The following PTPRS variants were observed in gnomAD, a reference collection of about 807,000 sequenced individuals.
PTPRS encodes receptor-type tyrosine-protein phosphatase S.
In PTPRS, 63 loss-of-function variants were observed where a neutral mutation model predicts 215.3. The ratio of observed to expected loss-of-function variants is 0.29; its 90% CI spans 0.24 to 0.36. The LOEUF (loss-of-function observed/expected upper bound fraction) is 0.36. PTPRS is among the 10% of genes least tolerant of loss of function. The probability of loss-of-function intolerance (pLI) is 1.00; values close to 1 mark genes in which losing one functional copy is unlikely to be tolerated. For synonymous variants in PTPRS, 1,404 were observed against 1,191.4 expected, an observed-to-expected ratio of 1.18 and a Z score of -3.68; for missense variants, 2,258 against 2,825.8, an observed-to-expected ratio of 0.80 and a Z score of 4.56.
intron 1 of PTPRS, among the ~76,000 whole-genome samples, chr19:5,301,684 A>T (rs1375910414): frequency 6.6e-6 from 1 of 151,732 alleles, no homozygotes; most frequent in Non-Finnish European, 1.5e-5. Context: ...CTTCAAGCGC[A>T]TCCTCCCCCT....
In PTPRS at chr19:5,214,384, C is replaced by G; in HGVS notation, c.4591G>C (p.Val1531Leu). The G allele has an allele frequency of 1.2e-6, 2 of 1,614,144 alleles. No individual in the cohort carries two copies. The highest frequency in any genetic ancestry group is 1.3e-5 in the African/African-American group (1 of 75,062). Reference protein sequence around the residue: ...LDTIELATFCVRTFSLHKNGS... With the variant: ...LDTIELATFCLRTFSLHKNGS... ...ACCTTGTGCAGAGAGAATGTCCTGACGCAGAATGTGGCCAGCTCGATGGTA... is the reference window on the plus strand; with the variant it reads ...ACCTTGTGCAGAGAGAATGTCCTGAGGCAGAATGTGGCCAGCTCGATGGTA... The change falls in exon 30 of 38, where the codon GTC (valine) becomes CTC (leucine). Residue 1531 changes from valine to leucine, a missense_variant. Physicochemically the swap from Val to Leu is conservative, Grantham distance 32. This residue lies in a region of PTPRS where 927 missense variants were observed against 1,125.9 expected (regional missense o/e 0.82). Transcript: ENST00000262963.
rs192737951 is a variant in PTPRS, at chr19:5,257,143, G to A, written c.706+874C>T. Among the ~76,000 whole-genome samples, 16 of 150,174 alleles carry A rather than the reference G, an allele frequency of 1.1e-4. No homozygotes were observed. Among genetic ancestry groups the A allele is most frequent in the African/African-American group, 2.7e-4 (11 of 40,844 alleles). The stretch of plus-strand genomic sequence containing the variant: ...TGAAAAGACCCAAGAGCCAACACAC[G>A]AGATAAGAGGAGGCCAACGGAGGCA... On this transcript the variant is annotated intron_variant, in intron 8 of 37. Coordinates refer to ENST00000262963, the MANE Select transcript of PTPRS (RefSeq NM_002850.4). The surrounding 1 kb of genome is among the most constrained non-coding windows in gnomAD (Gnocchi z 4.4).
At chr19:5,265,724 T>C (rs73919793) in intron 4 of PTPRS, among the ~76,000 whole-genome samples, 3,615 of 151,372 alleles carry the variant, frequency 0.024, 102 homozygotes, top group African/African-American at 0.065. Flanking sequence ...GGGGTGACTC[T>C]GCTGCCCTGG....
rs190810492 is a variant in PTPRS at position 5,243,888 on chromosome 19, C to T, written c.1570+13G>A. The T allele has an allele frequency of 1.7e-5, 25 of 1,476,644 alleles. No homozygotes were observed. In the East Asian group the frequency reaches 5.6e-4, roughly 33 times the overall value. The allele number at this position is 1,476,644 out of a possible 1,614,324, so 91.5% of individuals were successfully genotyped here. A position where few individuals can be genotyped will look rare whatever the true frequency, so the allele number is the denominator to read the frequency against. On this transcript the variant is annotated intron_variant, in intron 11 of 37. Coordinates refer to ENST00000262963, the MANE Select transcript of PTPRS (RefSeq NM_002850.4). The stretch of plus-strand genomic sequence containing the variant: ...CGGCCGGGGCCCCGAGTCCTGCCGA[C>T]CCCACGCCTCACCTCCCTGCTGCGT...
chr19:5,317,967 C>T (rs1008979949), intron 1 of PTPRS, among the ~76,000 whole-genome samples: 10 of 152,114 alleles, frequency 6.6e-5, no homozygotes, highest in Non-Finnish European at 1.2e-4. Context: ...GTCAGGAGAT[C>T]GAGACCATCC....
At chr19:5,281,352 T>C (rs182667843) in intron 2 of PTPRS, among the ~76,000 whole-genome samples, 71 of 152,144 alleles carry the variant, frequency 4.7e-4, no homozygotes, top group African/African-American at 1.4e-3. Context: ...TCCCAGCTAC[T>C]CGGGAGGCTG....
At chr19:5,215,189 T>C (rs2041308524) in intron 28 of PTPRS, 100 bp downstream of exon 28, 1 of 1,504,408 alleles carries the variant, frequency 6.6e-7, no homozygotes, top group Non-Finnish European at 9.1e-7. Flanking sequence ...ACCAGGTCTA[T>C]GACCAGAATC....
At chr19:5,239,426 G>C (rs995990352) in intron 12 of PTPRS, among the ~76,000 whole-genome samples, 1 of 150,828 alleles carries the variant, frequency 6.6e-6, no homozygotes, top group African/African-American at 2.4e-5. Context: ...GAGAAACAAA[G>C]GAGAGAGACA....
At chr19:5,218,752 G>T in intron 24 of PTPRS, 35 bp downstream of exon 24, 1 of 1,610,610 alleles carries the variant, frequency 6.2e-7, no homozygotes, top group Non-Finnish European at 8.5e-7. Flanking sequence ...TCTTCCTCTT[G>T]CCTGAAGCCT....
chr19:5,303,207 C>T lies in PTPRS; in HGVS notation c.-94-16973G>A, dbSNP rs2049359877. ...TCACCACTCTCTGGGACTCAGTTTC[C>T]CCATCTAAGCACCAGGGAAAATGGG... On this transcript the variant is annotated intron_variant, in intron 1 of 37. Transcript: ENST00000262963. Among the ~76,000 whole-genome samples the T allele has an allele frequency of 2.0e-5, 3 of 152,272 alleles. No homozygotes were observed. In the South Asian group the frequency reaches 6.2e-4, roughly 32 times the overall value.
intron 1 of PTPRS, among the ~76,000 whole-genome samples, chr19:5,311,114 G>A (rs1568604811): frequency 6.6e-6 from 1 of 151,912 alleles, no homozygotes; most frequent in Non-Finnish European, 1.5e-5. Flanking sequence ...TCCTGACCTC[G>A]TGATCCACCT....
rs758125715 is a variant in PTPRS at position 5,210,607 on chromosome 19, T to C, written c.5362-13A>G. 2 of 1,614,170 alleles carry C rather than the reference T, an allele frequency of 1.2e-6. No individual in the cohort carries two copies. Among genetic ancestry groups the C allele is most frequent in the South Asian group, 2.2e-5 (2 of 91,090 alleles). On this transcript the variant is annotated splice_polypyrimidine_tract_variant and intron_variant, in intron 34 of 37. Transcript: ENST00000262963. The surrounding 1 kb of genome is among the most constrained non-coding windows in gnomAD (Gnocchi z 4.5). Reference sequence around the variant, plus strand: ...GGTGACACTTCTCCTGTGGAGGAGATGGCGGCCGTGGTCAGCGCTGTCTGA... The same window carrying C: ...GGTGACACTTCTCCTGTGGAGGAGACGGCGGCCGTGGTCAGCGCTGTCTGA...
chr19:5,334,529 T>G (rs1053129526), intron 1 of PTPRS, among the ~76,000 whole-genome samples: 1 of 152,136 alleles, frequency 6.6e-6, no homozygotes, highest in African/African-American at 2.4e-5. Flanking sequence ...AGCCAACAAG[T>G]CGGCAGAGCC....
intron 23 of PTPRS, 131 bp from the exon 24 acceptor site, chr19:5,218,929 G>A: frequency 1.0e-6 from 1 of 970,582 alleles, no homozygotes; most frequent in Non-Finnish European, 1.5e-6. Flanking sequence ...GTCTCCTCTG[G>A]AAAATGGTGC....
intron 4 of PTPRS, among the ~76,000 whole-genome samples, chr19:5,271,839 C>T (rs749834059): frequency 2.0e-5 from 3 of 151,570 alleles, no homozygotes; most frequent in Non-Finnish European, 4.4e-5. Context: ...ACTCTCCTGC[C>T]TCAGCCTCCT....
chr19:5,236,837 A>T, intron 13 of PTPRS, among the ~76,000 whole-genome samples: 1 of 128,818 alleles, frequency 7.8e-6, no homozygotes, highest in Admixed American at 8.4e-5. Context: ...GGAATCAGGC[A>T]GGGAGCAGGG....
chr19:5,232,005 A>G (rs1350572772), intron 13 of PTPRS, among the ~76,000 whole-genome samples: 1 of 152,238 alleles, frequency 6.6e-6, no homozygotes, highest in African/African-American at 2.4e-5. Flanking sequence ...GGGGAATAGC[A>G]ACAGGAGCTC....
chr19:5,206,378 G>C lies in PTPRS; in HGVS notation c.*396C>G, dbSNP rs774722973. 2.0e-5 allele frequency: 5 copies of C among 250,074 alleles called. No homozygotes were observed. The East Asian group carries it at 3.0e-4, about 15-fold the overall frequency. 15.5% of individuals were successfully genotyped at this position (250,074 alleles called of 1,614,324 possible). A position where few individuals can be genotyped will look rare whatever the true frequency, so the allele number is the denominator to read the frequency against. On this transcript the variant is annotated 3_prime_UTR_variant, in exon 38 of 38. Transcript: ENST00000262963. Reference sequence around the variant, plus strand: ...GCCCAGTGTCCCCAGGCTGCAGAGCGGGGAGGAGCCCCCCGGGTCCCCCTA... The same window carrying C: ...GCCCAGTGTCCCCAGGCTGCAGAGCCGGGAGGAGCCCCCCGGGTCCCCCTA...
intron 13 of PTPRS, among the ~76,000 whole-genome samples, chr19:5,238,051 G>A (rs1285711299): frequency 6.6e-6 from 1 of 152,188 alleles, no homozygotes; most frequent in African/African-American, 2.4e-5. Context: ...GACTGACTGG[G>A]TGAAGGGAGG....
Sources: allele counts gnomAD v4.1 joint callset (sites outside exome capture counted in the v4.1 genomes callset), GRCh38; gene constraint gnomAD v4.1.1; regional missense constraint gnomAD v4.1.1; non-coding constraint Gnocchi (gnomAD v3.1); transcripts MANE v1.5; gene names NCBI Gene and HGNC (gene_info 2026-07-23, HGNC 2026-07-21).